The following RERE variants were observed in gnomAD, a reference collection of about 807,000 sequenced individuals.
RERE encodes arginine-glutamic acid dipeptide repeats protein.
Under a neutral mutation model 146.1 loss-of-function variants are expected in RERE, and 40 were observed. The ratio of observed to expected loss-of-function variants is 0.27; its 90% CI spans 0.21 to 0.36. The LOEUF (loss-of-function observed/expected upper bound fraction) is 0.36, where lower values mean the gene tolerates loss of function less well. RERE is among the 10% of genes least tolerant of loss of function. The pLI, the probability that RERE is intolerant of heterozygous loss-of-function variation, is 1.00. For missense variants in RERE, 1,933 were observed against 2,138.7 expected (o/e 0.90, Z 1.90); for synonymous variants, 1,003 against 866.0 (o/e 1.16, Z -2.78).
intron 1 of RERE, among the ~76,000 whole-genome samples, chr1:8,793,170 A>AG (rs1641398194): frequency 6.8e-6 from 1 of 146,212 alleles, no homozygotes; most frequent in African/African-American, 2.5e-5. Flanking sequence ...AAAAAAAAAA[A>AG]AAAAAAAGAA....
intron 4 of RERE, among the ~76,000 whole-genome samples, chr1:8,584,882 T>A (rs994874106): frequency 2.6e-5 from 4 of 152,156 alleles, no homozygotes; most frequent in Non-Finnish European, 5.9e-5. Flanking sequence ...GCCCAGTGGC[T>A]CACCCTTGTA....
intron 2 of RERE, among the ~76,000 whole-genome samples, chr1:8,655,230 G>A (rs146432966): frequency 0.015 from 2,298 of 150,264 alleles, 60 homozygotes; most frequent in African/African-American, 0.053. Context: ...TTTCTGAGAC[G>A]GAGACTCGCT....
At chr1:8,754,168 T>C (rs1375925289) in intron 1 of RERE, among the ~76,000 whole-genome samples, 1 of 152,128 alleles carries the variant, frequency 6.6e-6, no homozygotes, top group Non-Finnish European at 1.5e-5. Context: ...AGCCCTAATA[T>C]GTGTTAGGGA....
chr1:8,435,317 A>G (rs1190659708), intron 11 of RERE, among the ~76,000 whole-genome samples: 1 of 152,220 alleles, frequency 6.6e-6, no homozygotes, highest in Non-Finnish European at 1.5e-5. Flanking sequence ...TTATATCCCC[A>G]GCACCTAGAA....
At position 8,398,445 on chromosome 1, in the gene RERE, CT is replaced by C. The variant is rs1443147524; in HGVS notation, c.1284+24281del. On this transcript the variant is annotated intron_variant, in intron 12 of 22. Coordinates refer to ENST00000400908, the MANE Select transcript of RERE (RefSeq NM_001042681.2). ...CAAGGCCTAGTTCAAGTCTCAGCTT[CT>C]TCCTGACGTGTGTCTTGACCGCCCC... is the stretch of plus-strand genomic sequence containing the variant. 2.0e-5 allele frequency among the ~76,000 whole-genome samples: 3 copies of C among 152,266 alleles called. No homozygotes were observed. The East Asian group carries it at 5.8e-4, about 29-fold the overall frequency.
At chr1:8,642,596 G>C (rs1647194852) in intron 2 of RERE, among the ~76,000 whole-genome samples, 1 of 152,116 alleles carries the variant, frequency 6.6e-6, no homozygotes, top group African/African-American at 2.4e-5. Flanking sequence ...ATATTAACGA[G>C]TTTATAAACA....
chr1:8,630,506 G>C (rs995210599), intron 2 of RERE, among the ~76,000 whole-genome samples: 25 of 152,248 alleles, frequency 1.6e-4, no homozygotes, highest in Admixed American at 7.2e-4. Context: ...GAAATAACTC[G>C]ATTGCCAGGT....
Position 8,360,439 on chromosome 1 carries a change from G to C in RERE, c.3068C>G (p.Thr1023Arg). The C allele has an allele frequency of 1.2e-6, 1 of 853,796 alleles. No individual in the cohort carries two copies. The highest frequency in any genetic ancestry group is 1.6e-6 in the Non-Finnish European group (1 of 606,700). 52.9% of individuals were successfully genotyped at this position (853,796 alleles called of 1,614,324 possible). ...LPPPPASHPP[T>R]GLHQVAPQPP... ...TTGGGGGGCCACCTGGTGGAGGCCT[G>C]TAGGGGGGTGGGAGGCAGGGGGCGG... The change falls in exon 18 of 23, where the codon ACA becomes AGA. Residue 1023 changes from threonine to arginine, a missense_variant. By Grantham distance (71) the Thr-to-Arg change is moderately conservative. Coordinates refer to ENST00000400908, the MANE Select transcript of RERE (RefSeq NM_001042681.2).
chr1:8,358,076 CCAGGGATGAGGGATCTGTT>C, intron 20 of RERE, 101 bp downstream of exon 20: 1 of 1,474,152 alleles, frequency 6.8e-7, no homozygotes, highest in Non-Finnish European at 9.0e-7. Flanking sequence ...CTAAGATCTG[CCAGGGATGAGGGATCTGTT>C]CAGAAAAGAA....
rs114782879 is a variant in RERE, at chr1:8,669,130, A to G, written c.-144-12689T>C. 4.1e-3 allele frequency among the ~76,000 whole-genome samples: 601 copies of G among 144,908 alleles called. 24 individuals carry two copies. Among genetic ancestry groups the G allele is most frequent in the African/African-American group, 0.016 (574 of 36,844 alleles). On this transcript the variant is annotated intron_variant, in intron 1 of 22. Coordinates refer to ENST00000400908, the MANE Select transcript of RERE (RefSeq NM_001042681.2). ...GTCACCCAGGCTGGAGTGCAGTGGC[A>G]TGCGTGATCACGGCTCACTGCAGCC...
chr1:8,776,795 T>C (rs1641072068), intron 1 of RERE, among the ~76,000 whole-genome samples: 1 of 152,140 alleles, frequency 6.6e-6, no homozygotes, highest in African/African-American at 2.4e-5. Flanking sequence ...CACGGCTCAC[T>C]GCAGCCTCGA....
At chr1:8,815,288 C>A (rs1641889741) in intron 1 of RERE, among the ~76,000 whole-genome samples, 1 of 152,192 alleles carries the variant, frequency 6.6e-6, no homozygotes, top group Admixed American at 6.5e-5. Flanking sequence ...AACCATCACA[C>A]CACTAAAAAC....
chr1:8,652,113 G>C (rs1647660572), intron 2 of RERE, among the ~76,000 whole-genome samples: 1 of 152,152 alleles, frequency 6.6e-6, no homozygotes, highest in Non-Finnish European at 1.5e-5. Context: ...CAAAACGAAA[G>C]GAAACCACTG....
intron 1 of RERE, among the ~76,000 whole-genome samples, chr1:8,738,828 C>T (rs561572310): frequency 6.6e-5 from 10 of 152,300 alleles, no homozygotes; most frequent in Middle Eastern, 3.4e-3. Context: ...GGACTCTATC[C>T]TGACCATACT....
At chr1:8,512,324 C>T (rs974905024) in intron 7 of RERE, among the ~76,000 whole-genome samples, 3 of 152,042 alleles carry the variant, frequency 2.0e-5, no homozygotes, top group Admixed American at 6.5e-5. Context: ...TGAGCCACCG[C>T]GCCCGGCCAG....
intron 1 of RERE, among the ~76,000 whole-genome samples, chr1:8,719,844 T>G (rs2124471365): frequency 6.6e-6 from 1 of 152,270 alleles, no homozygotes; most frequent in South Asian, 2.1e-4. Context: ...TCCATATAAT[T>G]CTACTGCTGC....
intron 4 of RERE, among the ~76,000 whole-genome samples, chr1:8,577,274 G>C (rs1201348356): frequency 6.6e-6 from 1 of 151,932 alleles, no homozygotes; most frequent in Admixed American, 6.6e-5. Flanking sequence ...AAAACTCACA[G>C]GGTGTTTGTT....
intron 7 of RERE, among the ~76,000 whole-genome samples, chr1:8,512,158 C>T (rs926060587): frequency 3.4e-5 from 5 of 148,992 alleles, no homozygotes; most frequent in East Asian, 4.0e-4. Flanking sequence ...CTCAGCCTCC[C>T]GAGTAGCTGG....
chr1:8,397,030 T>C (rs1010042982), intron 12 of RERE, among the ~76,000 whole-genome samples: 2 of 152,210 alleles, frequency 1.3e-5, no homozygotes, highest in Non-Finnish European at 2.9e-5. Flanking sequence ...ATGTACTGTG[T>C]GTCTTCCCTG....
Sources: gnomAD v4.1 joint callset for allele counts (sites outside exome capture counted in the v4.1 genomes callset) on GRCh38, gnomAD v4.1.1 for gene constraint, MANE v1.5 for transcripts, NCBI Gene and HGNC (gene_info 2026-07-23, HGNC 2026-07-21) for gene names.